The following GNAS variants were observed in gnomAD, a reference collection of about 807,000 sequenced individuals.
GNAS encodes protein ALEX.
A neutral mutation model predicts 54.5 loss-of-function variants in GNAS; 8 were observed. The observed-to-expected ratio is 0.15, with a 90% CI of 0.09 to 0.26. The LOEUF is 0.26. Among genes scored for constraint, GNAS ranks in the 10% least tolerant of loss-of-function variants. GNAS has a pLI of 1.00. For missense variants in GNAS, 170 were observed against 529.8 expected (o/e 0.32, Z 6.67); for synonymous variants, 204 against 191.4 (o/e 1.07, Z -0.54).
chr20:58,889,021 C>T (rs1413999143), upstream of GNAS: 3 of 981,766 alleles, frequency 3.1e-6, no homozygotes, highest in African/African-American at 5.3e-5. Flanking sequence ...GGCCTGCACC[C>T]CCAGGGTGCG....
At chr20:58,884,289 T>G (rs946483144) in intron 1 of GNAS, 3 of 152,242 alleles carry the variant, frequency 2.0e-5, no homozygotes, top group Non-Finnish European at 2.9e-5. Context: ...AATTGCCTGA[T>G]TAATCCAGTG....
chr20:58,845,225 T>C (rs2085900595), intron 1 of GNAS, among the ~76,000 whole-genome samples: 2 of 152,218 alleles, frequency 1.3e-5, no homozygotes, highest in South Asian at 2.1e-4. Flanking sequence ...TGAAAGTTTT[T>C]TGGTAACAGT....
Position 58,856,949 on chromosome 20 carries a change from T to C in GNAS, c.43+16063T>C, listed in dbSNP as rs1180049181. The stretch of plus-strand genomic sequence containing the variant: ...CCTCCCCCCAGCCCCCCAAGACTTC[T>C]TAACTTCAAATCTGGGGCATTAAAT... On this transcript the variant is annotated intron_variant, in intron 1 of 12. Transcript: ENST00000306090. The surrounding 1 kb of genome is among the most constrained non-coding windows in gnomAD (Gnocchi z 4.2). 6.9e-6 allele frequency: 1 copy of C among 145,890 alleles called. No individual in the cohort carries two copies. Among genetic ancestry groups the C allele is most frequent in the Admixed American group, 6.8e-5 (1 of 14,718 alleles). The allele number at this position is 145,890 out of a possible 1,614,324, so 9.0% of individuals were successfully genotyped here.
At chr20:58,842,020 A>G in intron 1 of GNAS, 1 of 783,610 alleles carries the variant, frequency 1.3e-6, no homozygotes, top group Non-Finnish European at 1.7e-6. Context: ...TCAGTCGTCG[A>G]AAAGGAGGCA....
intron 1 of GNAS, among the ~76,000 whole-genome samples, chr20:58,882,120 G>A (rs1295205661): frequency 6.6e-6 from 1 of 152,206 alleles, no homozygotes; most frequent in African/African-American, 2.4e-5. Flanking sequence ...CCAGGCTGGA[G>A]TGCAGTGGCG....
intron 6 of GNAS, among the ~76,000 whole-genome samples, chr20:58,908,055 T>A (rs1188699041): frequency 3.9e-5 from 6 of 152,242 alleles, no homozygotes; most frequent in African/African-American, 1.4e-4. Flanking sequence ...TAAGATTGAT[T>A]GGGCAAGTTA....
chr20:58,895,391 G>A (rs1355404092), intron 1 of GNAS: 17 of 548,422 alleles, frequency 3.1e-5, no homozygotes, highest in Non-Finnish European at 5.6e-5. Context: ...TTAAATTCTT[G>A]TTTGTTATTT....
At position 58,853,981 on chromosome 20, in the gene GNAS, C is replaced by T; in HGVS notation, c.43+13095C>T. The T allele has an allele frequency of 6.2e-7, 1 of 1,612,164 alleles. No homozygotes were observed. Among genetic ancestry groups the T allele is most frequent in the Non-Finnish European group, 8.5e-7 (1 of 1,179,754 alleles). On this transcript the variant is annotated intron_variant, in intron 1 of 12. Transcript: ENST00000306090. The surrounding 1 kb of genome is among the most constrained non-coding windows in gnomAD (Gnocchi z 4.4). Reference sequence around the variant, plus strand: ...GAAGGATTTGGGGACGACAGCCCACCCCCGGGGCTTTCCCGAGTTATCGCA... The same window carrying T: ...GAAGGATTTGGGGACGACAGCCCACTCCCGGGGCTTTCCCGAGTTATCGCA...
chr20:58,893,062 GTTTC>G (rs1408233767), intron 1 of GNAS, among the ~76,000 whole-genome samples: 12 of 111,490 alleles, frequency 1.1e-4, no homozygotes, highest in African/African-American at 3.5e-4. Context: ...AAATGGCGTG[GTTTC>G]TTTTTTTTTT....
chr20:58,891,764 G>A lies in GNAS; in HGVS notation c.38G>A (p.Arg13His), dbSNP rs767014239. 1.6e-6 allele frequency: 2 copies of A among 1,268,744 alleles called. No homozygotes were observed. Among genetic ancestry groups the A allele is most frequent in the Non-Finnish European group, 2.1e-6 (2 of 966,980 alleles). The allele number at this position is 1,268,744 out of a possible 1,614,324, so 78.6% of individuals were successfully genotyped here. Residue 13 changes from arginine (R) to histidine (H), a missense_variant, in exon 1 of 13, where the codon CGC becomes CAC. Coordinates refer to ENST00000371085, the MANE Select transcript of GNAS (RefSeq NM_000516.7). ...GGGAACAGTAAGACCGAGGACCAGCGCAACGAGGAGAAGGCGCAGCGTGAG... is the reference window on the plus strand; with the variant it reads ...GGGAACAGTAAGACCGAGGACCAGCACAACGAGGAGAAGGCGCAGCGTGAG... ...CLGNSKTEDQ[R>H]NEEKAQREAN...
At chr20:58,874,044 A>C (rs2087633037) in intron 1 of GNAS, among the ~76,000 whole-genome samples, 1 of 152,252 alleles carries the variant, frequency 6.6e-6, no homozygotes, top group Admixed American at 6.5e-5. Flanking sequence ...TTTGACAGGC[A>C]CAGCCATTCA....
At chr20:58,872,818 G>T (rs1291364350) in intron 1 of GNAS, among the ~76,000 whole-genome samples, 1 of 152,158 alleles carries the variant, frequency 6.6e-6, no homozygotes, top group Non-Finnish European at 1.5e-5. Flanking sequence ...TCCTGGCATT[G>T]GTGGGGAAAA....
chr20:58,854,634 G>A, intron 1 of GNAS: 1 of 1,534,558 alleles, frequency 6.5e-7, no homozygotes, highest in Non-Finnish European at 8.7e-7. Flanking sequence ...CGACTCCGGG[G>A]CGGCCCCTGA....
rs2086875474 is a variant in GNAS at position 58,863,309 on chromosome 20, T to G, written c.43+22423T>G. On this transcript the variant is annotated intron_variant, in intron 1 of 12. Transcript: ENST00000306090. The surrounding 1 kb of genome is among the most constrained non-coding windows in gnomAD (Gnocchi z 4.1). ...TACTTCCTTAGAGTAAAATCCCAAA[T>G]TGCATTGCAGAGTAATTTGTTAAAC... Among the ~76,000 whole-genome samples, 1 of 152,180 alleles carries G rather than the reference T, an allele frequency of 6.6e-6. No individual in the cohort carries two copies. Among genetic ancestry groups the G allele is most frequent in the South Asian group, 2.1e-4 (1 of 4,830 alleles).
rs1488191878 is a variant in GNAS, at chr20:58,853,469, T to C, written c.43+12583T>C. The C allele has an allele frequency of 1.2e-6, 2 of 1,612,570 alleles. No homozygotes were observed. The highest frequency in any genetic ancestry group is 2.7e-5 in the African/African-American group (2 of 74,882). ...CCGTCGAGAATGATGGCGAGGCCTG[T>C]GGACCCCCAGAGGTCTCCAGACCCA... On this transcript the variant is annotated intron_variant, in intron 1 of 12. Coordinates refer to the GNAS transcript ENST00000306090. The surrounding 1 kb of genome is among the most constrained non-coding windows in gnomAD (Gnocchi z 4.4).
intron 1 of GNAS, chr20:58,850,776 G>A (rs1218203241): frequency 2.5e-6 from 1 of 398,898 alleles, no homozygotes; most frequent in Non-Finnish European, 4.4e-6. Flanking sequence ...TGTGGCATGA[G>A]GAAGAGTGAC....
intron 1 of GNAS, among the ~76,000 whole-genome samples, chr20:58,845,035 CGT>C (rs3842443): frequency 6.6e-6 from 1 of 150,982 alleles, no homozygotes; most frequent in African/African-American, 2.4e-5. Flanking sequence ...GTGTGTTTTA[CGT>C]GTGTGTGTGT....
chr20:58,864,928 G>GACACACAC (rs144642876), intron 1 of GNAS, among the ~76,000 whole-genome samples: 120 of 138,906 alleles, frequency 8.6e-4, no homozygotes, highest in Middle Eastern at 3.6e-3. Context: ...CTACCTACCA[G>GACACACAC]ACACACACAC....
upstream of GNAS, chr20:58,840,370 C>A: frequency 2.5e-6 from 4 of 1,613,336 alleles, no homozygotes; most frequent in Non-Finnish European, 3.4e-6. The surrounding 1 kb of genome is among the most constrained non-coding windows in gnomAD (Gnocchi z 6.0). Flanking sequence ...ACCACGAGCA[C>A]GAGGAGGCAG....
Sources: gnomAD v4.1 joint callset for allele counts (sites outside exome capture counted in the v4.1 genomes callset) on GRCh38, gnomAD v4.1.1 for gene constraint, Gnocchi (gnomAD v3.1) non-coding constraint, MANE v1.5 for transcripts, NCBI Gene and HGNC (gene_info 2026-07-23, HGNC 2026-07-21) for gene names.